The following DAB1 variants were observed in gnomAD, a reference collection of about 807,000 sequenced individuals.
The protein encoded by DAB1 is disabled homolog 1.
In DAB1, 15 loss-of-function variants were observed where a neutral mutation model predicts 64.6. The observed-to-expected ratio is 0.23, with a 90% CI of 0.16 to 0.36. DAB1 has a LOEUF of 0.36. Ranked by LOEUF, DAB1 falls within the 10% of genes least tolerant of loss-of-function variation. The pLI is 1.00. For synonymous variants in DAB1, 235 were observed against 251.9 expected, an observed-to-expected ratio of 0.93 and a Z score of 0.64; for missense variants, 596 against 706.7, an observed-to-expected ratio of 0.84 and a Z score of 1.78.
intron 2 of DAB1, among the ~76,000 whole-genome samples, chr1:57,285,154 T>G (rs1160350614): frequency 6.6e-6 from 1 of 152,210 alleles, no homozygotes; most frequent in African/African-American, 2.4e-5. Context: ...GAGGTGATGG[T>G]GAACTGTGAT....
chr1:57,579,484 G>C (rs1415271007), intron 7 of DAB1, among the ~76,000 whole-genome samples: 1 of 152,162 alleles, frequency 6.6e-6, no homozygotes, highest in Non-Finnish European at 1.5e-5. Flanking sequence ...AAAGCACTTT[G>C]TAAACTATGG....
rs141770665 is a variant in DAB1 at position 57,304,785 on chromosome 1, C to T, written c.-136-13619G>A. ...TGCTATACCATATAACTATTGATTA[C>T]GTAATCCATACTTCTCAAAATGAGT... On this transcript the variant is annotated intron_variant, in intron 1 of 14. Transcript: ENST00000371236. Among the ~76,000 whole-genome samples the T allele has an allele frequency of 2.6e-3, 391 of 152,212 alleles. 2 individuals carry two copies. The highest frequency in any genetic ancestry group is 7.9e-3 in the African/African-American group (329 of 41,534).
chr1:58,466,148 G>A (rs1422083385), intron 3 of DAB1, among the ~76,000 whole-genome samples: 4 of 152,256 alleles, frequency 2.6e-5, no homozygotes, highest in South Asian at 2.1e-4. Context: ...ATGGAGGAGC[G>A]GGGCAGGGAT....
intron 7 of DAB1, among the ~76,000 whole-genome samples, chr1:57,480,032 G>A (rs575729829): frequency 6.6e-6 from 1 of 151,484 alleles, no homozygotes; most frequent in South Asian, 2.1e-4. Context: ...CGCGCCTGTA[G>A]TCCCAGCTAC....
At chr1:57,991,173 T>C (rs1646332223) in intron 5 of DAB1, among the ~76,000 whole-genome samples, 1 of 152,182 alleles carries the variant, frequency 6.6e-6, no homozygotes, top group Non-Finnish European at 1.5e-5. Context: ...ACTAATTCAT[T>C]TTCCATTCTG....
At chr1:58,114,090 A>C (rs1448947768) in intron 5 of DAB1, among the ~76,000 whole-genome samples, 2 of 123,022 alleles carry the variant, frequency 1.6e-5, no homozygotes, top group East Asian at 5.8e-4. Flanking sequence ...TTACTAAAAT[A>C]CAAAAAAAAA....
chr1:57,211,405 T>C (rs1439446997), intron 2 of DAB1, among the ~76,000 whole-genome samples: 1 of 152,082 alleles, frequency 6.6e-6, no homozygotes, highest in Non-Finnish European at 1.5e-5. Flanking sequence ...ACAAAGAAAG[T>C]CTGTTCTCTT....
At chr1:57,092,458 C>T (rs2100662680) in intron 4 of DAB1, among the ~76,000 whole-genome samples, 1 of 152,092 alleles carries the variant, frequency 6.6e-6, no homozygotes, top group East Asian at 1.9e-4. Flanking sequence ...CATGAGATGT[C>T]ATGGTTTTAT....
At chr1:57,090,779 C>G (rs1328862464) in intron 4 of DAB1, among the ~76,000 whole-genome samples, 2 of 152,094 alleles carry the variant, frequency 1.3e-5, no homozygotes, top group Non-Finnish European at 2.9e-5. Flanking sequence ...CCCCAACCCC[C>G]GGACCATGGC....
chr1:58,145,997 C>T (rs142586130), intron 5 of DAB1, among the ~76,000 whole-genome samples: 37 of 152,280 alleles, frequency 2.4e-4, no homozygotes, highest in African/African-American at 8.9e-4. Context: ...TTTATGATGG[C>T]CCACTTCTAC....
At chr1:57,507,571 A>G (rs1644358236) in intron 7 of DAB1, among the ~76,000 whole-genome samples, 1 of 152,114 alleles carries the variant, frequency 6.6e-6, no homozygotes, top group Non-Finnish European at 1.5e-5. Flanking sequence ...CTGAACTGTG[A>G]GTCGAATCTG....
intron 14 of DAB1, among the ~76,000 whole-genome samples, chr1:57,006,773 G>A (rs937551409): frequency 6.6e-6 from 1 of 152,076 alleles, no homozygotes; most frequent in African/African-American, 2.4e-5. Flanking sequence ...AAAAGAGAAT[G>A]GTAATAATAA....
chr1:57,774,968 T>C (rs943463252), intron 6 of DAB1, among the ~76,000 whole-genome samples: 2 of 151,686 alleles, frequency 1.3e-5, no homozygotes, highest in Admixed American at 1.3e-4. Context: ...TATTCAAGTT[T>C]TCCATTTCTT....
chr1:57,693,497 A>G (rs1360590837), intron 6 of DAB1, among the ~76,000 whole-genome samples: 6 of 148,852 alleles, frequency 4.0e-5, no homozygotes, highest in African/African-American at 1.6e-4. Context: ...AAAATGGACC[A>G]ATCAGCACTC....
chr1:57,794,801 G>A (rs967077990), intron 6 of DAB1, among the ~76,000 whole-genome samples: 2 of 152,172 alleles, frequency 1.3e-5, no homozygotes, highest in Non-Finnish European at 2.9e-5. Context: ...TTGCTTTAAT[G>A]AATGAAATTA....
intron 1 of DAB1, among the ~76,000 whole-genome samples, chr1:57,360,292 A>G (rs1473832202): frequency 6.6e-6 from 1 of 152,138 alleles, no homozygotes; most frequent in Non-Finnish European, 1.5e-5. Flanking sequence ...TACAAACAGA[A>G]AAAACCCAGC....
intron 5 of DAB1, among the ~76,000 whole-genome samples, chr1:57,974,852 A>G (rs1645882602): frequency 6.6e-6 from 1 of 152,200 alleles, no homozygotes; most frequent in South Asian, 2.1e-4. Flanking sequence ...ATAGTAATCC[A>G]TATATATAGT....
At chr1:57,168,386 G>C (rs72913082) in intron 2 of DAB1, among the ~76,000 whole-genome samples, 1 of 152,110 alleles carries the variant, frequency 6.6e-6, no homozygotes, top group Admixed American at 6.6e-5. Flanking sequence ...CTTTCCCATT[G>C]GAATGACACC....
At chr1:57,116,480 A>AAAAAAAAAAAAAG (rs1553144211) in intron 4 of DAB1, among the ~76,000 whole-genome samples, 2 of 131,230 alleles carry the variant, frequency 1.5e-5, no homozygotes, top group East Asian at 2.9e-4. Flanking sequence ...AAAAAAAAAA[A>AAAAAAAAAAAAAG]AAAGAAAGAA....
Sources: gnomAD v4.1 joint callset for allele counts (sites outside exome capture counted in the v4.1 genomes callset) on GRCh38, gnomAD v4.1.1 for gene constraint, MANE v1.5 for transcripts, NCBI Gene and HGNC (gene_info 2026-07-23, HGNC 2026-07-21) for gene names.